ADGRL2: variants seen among roughly 807,000 people sequenced by gnomAD.
ADGRL2 encodes the protein adhesion G protein-coupled receptor L2, also known as calcium-independent alpha-latrotoxin receptor 2.
ADGRL2 carries 44 observed loss-of-function variants against 157.4 expected under a neutral mutation model. The observed-to-expected ratio is 0.28, with a 90% CI of 0.22 to 0.36. The LOEUF is 0.36. Among genes scored for constraint, ADGRL2 ranks in the 10% least tolerant of loss-of-function variants. The pLI, the probability that ADGRL2 is intolerant of heterozygous loss-of-function variation, is 1.00. For missense variants in ADGRL2, 1,510 were observed against 1,768.9 expected (o/e 0.85, Z 2.63); for synonymous variants, 585 against 624.7 (o/e 0.94, Z 0.95).
intron 3 of ADGRL2, among the ~76,000 whole-genome samples, chr1:81,675,570 CTGTT>C (rs1256086655): frequency 8.4e-6 from 1 of 119,678 alleles, no homozygotes; most frequent in Admixed American, 8.9e-5. Flanking sequence ...GAAAAATAAA[CTGTT>C]TTTTTTTTTT....
At chr1:81,391,470 G>T (rs1166300301) in intron 1 of ADGRL2, among the ~76,000 whole-genome samples, 1 of 152,282 alleles carries the variant, frequency 6.6e-6, no homozygotes, top group Non-Finnish European at 1.5e-5. Flanking sequence ...AAAACAAAGA[G>T]AATTTGGCAA....
intron 1 of ADGRL2, among the ~76,000 whole-genome samples, chr1:81,362,486 A>G (rs1194336283): frequency 3.3e-5 from 5 of 151,914 alleles, no homozygotes; most frequent in Admixed American, 3.3e-4. Flanking sequence ...TTCTATCATT[A>G]TGCTAATTCC....
chr1:81,618,914 T>C (rs575668039), intron 3 of ADGRL2, among the ~76,000 whole-genome samples: 1 of 152,192 alleles, frequency 6.6e-6, no homozygotes, highest in East Asian at 1.9e-4. Context: ...GAGTTCTGAA[T>C]TGGGTTTTAA....
rs199775520 is a variant in ADGRL2, at chr1:81,428,315, T to TA, written c.-301-16713dup. ...AATAGCATTAAGATTACCTTCAAAT[T>TA]AAAAAAAATATCTCAAAATTAAAAA... On this transcript the variant is annotated intron_variant, in intron 1 of 24. Transcript: ENST00000370721. 8.3e-3 allele frequency among the ~76,000 whole-genome samples: 1,229 copies of TA among 147,646 alleles called. 7 individuals carry two copies. The highest frequency in any genetic ancestry group is 0.012 in the Admixed American group (174 of 14,912).
intron 1 of ADGRL2, among the ~76,000 whole-genome samples, chr1:81,378,743 G>A (rs773244176): frequency 7.9e-5 from 12 of 152,078 alleles, no homozygotes; most frequent in Non-Finnish European, 1.5e-4. Flanking sequence ...AGTGCTTCCT[G>A]AAATGCCCAG....
At chr1:81,619,072 G>T (rs997590784) in intron 3 of ADGRL2, among the ~76,000 whole-genome samples, 1 of 152,140 alleles carries the variant, frequency 6.6e-6, no homozygotes, top group Non-Finnish European at 1.5e-5. Flanking sequence ...ATAATCCAGA[G>T]TTCCACAGAA....
At chr1:81,828,476 A>G (rs745699910) in intron 1 of ADGRL2, among the ~76,000 whole-genome samples, 2 of 151,956 alleles carry the variant, frequency 1.3e-5, no homozygotes, top group East Asian at 3.9e-4. Flanking sequence ...ATTTTTCCTG[A>G]AAGTTTTCTG....
rs1390854400 is a variant in ADGRL2, at chr1:81,932,414, A to G, written c.288-4314A>G. ...AGAATTAGCAAGAAGACATATTAAC[A>G]TTGTAAACTGTATTATGTACCTCTT... On this transcript the variant is annotated intron_variant, in intron 3 of 23. Coordinates refer to ENST00000686636, the MANE Select transcript of ADGRL2 (RefSeq NM_001366006.2). 2.0e-5 allele frequency among the ~76,000 whole-genome samples: 3 copies of G among 152,328 alleles called. No individual in the cohort carries two copies. In the East Asian group the frequency reaches 5.8e-4, roughly 29 times the overall value.
intron 2 of ADGRL2, among the ~76,000 whole-genome samples, chr1:81,837,419 C>G (rs1158588286): frequency 6.6e-6 from 1 of 151,736 alleles, no homozygotes; most frequent in East Asian, 1.9e-4. Context: ...GTTACATTTG[C>G]TTAAGTGTGT....
At chr1:81,989,965 A>G (rs1342106825) in intron 23 of ADGRL2, 3 of 984,482 alleles carry the variant, frequency 3.0e-6, no homozygotes, top group African/African-American at 3.5e-5. Flanking sequence ...TTTTTAATTT[A>G]GTGTTGTTTA....
At chr1:81,557,753 G>A (rs1007388620) in intron 2 of ADGRL2, 1 of 152,018 alleles carries the variant, frequency 6.6e-6, no homozygotes, top group African/African-American at 2.4e-5. Flanking sequence ...GCTGTCTGAA[G>A]AAGCGAAGTC....
At chr1:81,669,812 T>G (rs1387173834) in intron 3 of ADGRL2, among the ~76,000 whole-genome samples, 1 of 151,676 alleles carries the variant, frequency 6.6e-6, no homozygotes, top group South Asian at 2.1e-4. Flanking sequence ...GCATGGTGGC[T>G]GGTGCCCGTA....
intron 2 of ADGRL2, among the ~76,000 whole-genome samples, chr1:81,516,918 G>A (rs1489152230): frequency 7.0e-6 from 1 of 143,030 alleles, no homozygotes; most frequent in Non-Finnish European, 1.5e-5. Context: ...CGGTGGCGCA[G>A]ACACACTAAC....
At chr1:81,866,627 G>A (rs1007675512) in intron 2 of ADGRL2, among the ~76,000 whole-genome samples, 1 of 152,002 alleles carries the variant, frequency 6.6e-6, no homozygotes, top group East Asian at 1.9e-4. Context: ...GCAGGCAAAA[G>A]TTATTTTAAA....
chr1:81,492,140 A>C (rs1242768023), intron 2 of ADGRL2, among the ~76,000 whole-genome samples: 3 of 152,198 alleles, frequency 2.0e-5, no homozygotes, highest in Non-Finnish European at 4.4e-5. Flanking sequence ...TAGGAAATAA[A>C]GACTGCCCAT....
At chr1:81,370,380 G>A (rs577836338) in intron 1 of ADGRL2, among the ~76,000 whole-genome samples, 2 of 151,984 alleles carry the variant, frequency 1.3e-5, no homozygotes, top group Non-Finnish European at 2.9e-5. Flanking sequence ...ATAGTACACT[G>A]TTTGTTGCTA....
intron 1 of ADGRL2, among the ~76,000 whole-genome samples, chr1:81,720,362 G>T (rs1392874733): frequency 6.6e-6 from 1 of 151,848 alleles, no homozygotes; most frequent in Non-Finnish European, 1.5e-5. Context: ...TAGTGACGGG[G>T]TTTCACCATG....
intron 3 of ADGRL2, among the ~76,000 whole-genome samples, chr1:81,680,245 T>C (rs2083082416): frequency 6.6e-6 from 1 of 152,186 alleles, no homozygotes; most frequent in South Asian, 2.1e-4. Context: ...GCTGAGTCTG[T>C]AATGACTTGC....
At position 81,747,221 on chromosome 1, in the gene ADGRL2, A is replaced by G. The variant is rs1262330835; in HGVS notation, c.-142-14590A>G. ...CATGTATATATATGTATGTGTGTAT[A>G]TATGTATATATACATATATATGTAT... On this transcript the variant is annotated intron_variant, in intron 1 of 20. Transcript: ENST00000359929. Among the ~76,000 whole-genome samples the G allele has an allele frequency of 5.5e-5, 8 of 144,354 alleles. No individual in the cohort carries two copies. The South Asian group carries it at 1.5e-3, about 27-fold the overall frequency. The allele number at this position is 144,354 out of a possible 152,430, so 94.7% of individuals were successfully genotyped here. A position where few individuals can be genotyped will look rare whatever the true frequency, so the allele number is the denominator to read the frequency against.
Sources: gnomAD v4.1 joint callset for allele counts (sites outside exome capture counted in the v4.1 genomes callset) on GRCh38, gnomAD v4.1.1 for gene constraint, MANE v1.5 for transcripts, NCBI Gene and HGNC (gene_info 2026-07-23, HGNC 2026-07-21) for gene names.